Variants in MIPEP observed in about 807,000 individuals in gnomAD.
MIPEP encodes mitochondrial intermediate peptidase.
MIPEP carries 79 observed loss-of-function variants against 90.3 expected under a neutral mutation model. The ratio of observed to expected loss-of-function variants is 0.87; its 90% CI spans 0.73 to 1.05. The LOEUF is 1.05. Ranked by LOEUF, MIPEP falls within the 50% of genes least tolerant of loss-of-function variation. The pLI, the probability that MIPEP is intolerant of heterozygous loss-of-function variation, is 0.00. For missense variants in MIPEP, 940 were observed against 905.6 expected (o/e 1.04, Z -0.49); for synonymous variants, 334 against 315.8 (o/e 1.06, Z -0.61).
chr13:23,757,192 C>T (rs1952497932), intron 17 of MIPEP, among the ~76,000 whole-genome samples: 1 of 152,042 alleles, frequency 6.6e-6, no homozygotes, highest in Non-Finnish European at 1.5e-5. Flanking sequence ...GCCTCAGAGT[C>T]TCATAAGGAG....
intron 16 of MIPEP, among the ~76,000 whole-genome samples, chr13:23,781,447 A>G (rs1287228609): frequency 1.3e-5 from 2 of 152,180 alleles, no homozygotes; most frequent in East Asian, 3.9e-4. Flanking sequence ...AAGAGCTCCC[A>G]AAGGAAGCAC....
intron 10 of MIPEP, among the ~76,000 whole-genome samples, chr13:23,847,710 G>C (rs1464139136): frequency 2.0e-5 from 3 of 152,106 alleles, no homozygotes; most frequent in Non-Finnish European, 4.4e-5. Flanking sequence ...GTCACAGAAG[G>C]GTAATTATTT....
At chr13:23,773,956 G>C (rs1297359082) in intron 16 of MIPEP, among the ~76,000 whole-genome samples, 3 of 152,084 alleles carry the variant, frequency 2.0e-5, no homozygotes, top group African/African-American at 4.8e-5. Flanking sequence ...TGTTTCTTTG[G>C]TTGTTTATGC....
intron 16 of MIPEP, among the ~76,000 whole-genome samples, chr13:23,788,204 C>T (rs1952867718): frequency 6.6e-6 from 1 of 152,224 alleles, no homozygotes; most frequent in Admixed American, 6.5e-5. Context: ...AAGACAAAAT[C>T]ACACTATGTA....
At chr13:23,872,368 G>C (rs1280597891) in intron 5 of MIPEP, among the ~76,000 whole-genome samples, 6 of 152,204 alleles carry the variant, frequency 3.9e-5, no homozygotes, top group Non-Finnish European at 8.8e-5. Flanking sequence ...GGCTGAGGCA[G>C]AAGAATCGCT....
intron 15 of MIPEP, 41 bp from the exon 16 acceptor site, chr13:23,806,110 C>CCTCA (rs1566000024): frequency 1.2e-6 from 2 of 1,610,302 alleles, no homozygotes; most frequent in Non-Finnish European, 1.7e-6. Context: ...GGTCGTCCAT[C>CCTCA]CTCACATCAA....
chr13:23,862,916 T>C (rs1435832923), intron 8 of MIPEP, among the ~76,000 whole-genome samples: 1 of 152,192 alleles, frequency 6.6e-6, no homozygotes, highest in African/African-American at 2.4e-5. Context: ...AGAGAAAGAC[T>C]ACTAACACTT....
At chr13:23,770,657 T>C (rs1952639035) in intron 16 of MIPEP, among the ~76,000 whole-genome samples, 1 of 151,778 alleles carries the variant, frequency 6.6e-6, no homozygotes, top group African/African-American at 2.4e-5. Flanking sequence ...TGGGCTGGAG[T>C]CCTCACCTTC....
intron 1 of MIPEP, chr13:23,888,820 A>AGGGC (rs1871649984): frequency 9.4e-6 from 9 of 956,806 alleles, no homozygotes; most frequent in Non-Finnish European, 1.2e-5. Flanking sequence ...GTGTATGCAG[A>AGGGC]GGGCGGGTCC....
intron 16 of MIPEP, among the ~76,000 whole-genome samples, chr13:23,796,659 T>C (rs747535753): frequency 2.6e-5 from 4 of 152,130 alleles, no homozygotes; most frequent in Admixed American, 2.0e-4. Flanking sequence ...TTCCATTATA[T>C]TGATTTCATC....
chr13:23,851,375 C>G (rs1438367914), intron 10 of MIPEP, among the ~76,000 whole-genome samples: 1 of 152,198 alleles, frequency 6.6e-6, no homozygotes, highest in Non-Finnish European at 1.5e-5. Context: ...TATAATGACG[C>G]TTTACAAAGA....
At chr13:23,775,879 CAACTA>C (rs1260382918) in intron 16 of MIPEP, among the ~76,000 whole-genome samples, 1 of 152,118 alleles carries the variant, frequency 6.6e-6, no homozygotes, top group Non-Finnish European at 1.5e-5. Context: ...CTGAATGAAA[CAACTA>C]AACTCTGGAT....
At position 23,816,759 on chromosome 13, in the gene MIPEP, C is replaced by T. The variant is rs971859748; in HGVS notation, c.1654-6835G>A. ...CAGCAGCCAATCACTTCCTACAACACGGAGGAAGCCTGTCTGCTTTCCCAC... is the reference window on the plus strand; with the variant it reads ...CAGCAGCCAATCACTTCCTACAACATGGAGGAAGCCTGTCTGCTTTCCCAC... On this transcript the variant is annotated intron_variant, in intron 14 of 18. Coordinates refer to ENST00000382172, the MANE Select transcript of MIPEP (RefSeq NM_005932.4). Among the ~76,000 whole-genome samples, 11 of 152,268 alleles carry T rather than the reference C, an allele frequency of 7.2e-5. 1 individual carries two copies. The East Asian group carries it at 1.9e-3, about 27-fold the overall frequency.
At chr13:23,746,450 A>G (rs1490654310) in intron 18 of MIPEP, among the ~76,000 whole-genome samples, 1 of 151,822 alleles carries the variant, frequency 6.6e-6, no homozygotes, top group African/African-American at 2.4e-5. Context: ...CCTGGCCAAC[A>G]TGGCAAAACC....
intron 18 of MIPEP, among the ~76,000 whole-genome samples, chr13:23,756,164 AT>A (rs780374640): frequency 3.3e-5 from 5 of 152,288 alleles, no homozygotes; most frequent in Non-Finnish European, 7.4e-5. Flanking sequence ...TTATTTATTT[AT>A]TGTTTTGAGA....
chr13:23,887,852 T>G (rs9578654), intron 1 of MIPEP, among the ~76,000 whole-genome samples: 6,415 of 152,086 alleles, frequency 0.042, 440 homozygotes, highest in African/African-American at 0.15. Context: ...AAAAATAAAA[T>G]AAAAGAAAGT....
intron 15 of MIPEP, among the ~76,000 whole-genome samples, chr13:23,808,833 T>C (rs1456854232): frequency 6.6e-6 from 1 of 152,250 alleles, no homozygotes; most frequent in Non-Finnish European, 1.5e-5. Flanking sequence ...AACATGTATT[T>C]CATGTTTGAA....
At position 23,809,903 on chromosome 13, in the gene MIPEP, A is replaced by G; in HGVS notation, c.1675T>C (p.Ser559Pro). ...ACCTTTTTAGATTCACAAAGACGAG[A>G]CACCATATTTTTTGGCAGTGGCTTG... ...TGQPLPKNMV[S>P]RLCESKKVCA... Residue 559 changes from serine (S) to proline (P), a missense_variant, in exon 15 of 19, where the codon TCT becomes CCT. Ser to Pro is a moderately conservative substitution (Grantham distance 74, BLOSUM62 -1). Transcript: ENST00000382172. 1 of 1,613,582 alleles carries G rather than the reference A, an allele frequency of 6.2e-7. No individual in the cohort carries two copies. The highest frequency in any genetic ancestry group is 8.5e-7 in the Non-Finnish European group (1 of 1,179,630).
chr13:23,883,920 C>T (rs566364845), intron 2 of MIPEP, among the ~76,000 whole-genome samples: 2 of 152,300 alleles, frequency 1.3e-5, no homozygotes, highest in African/African-American at 4.8e-5. Context: ...AACAGAACTA[C>T]TCAGAGCCTG....
Sources: gnomAD v4.1 joint callset for allele counts (sites outside exome capture counted in the v4.1 genomes callset) on GRCh38, gnomAD v4.1.1 for gene constraint, MANE v1.5 for transcripts, NCBI Gene and HGNC (gene_info 2026-07-23, HGNC 2026-07-21) for gene names.